The following SGCZ variants were observed in gnomAD, a reference collection of about 807,000 sequenced individuals.
SGCZ encodes sarcoglycan zeta, also known as zeta-sarcoglycan.
In SGCZ, 40 loss-of-function variants were observed where a neutral mutation model predicts 41.3. That is an observed-to-expected ratio of 0.97 (90% CI 0.75 to 1.26). The LOEUF (loss-of-function observed/expected upper bound fraction) is 1.26, where lower values mean the gene tolerates loss of function less well. Ranked by LOEUF, SGCZ falls within the 50% of genes most tolerant of loss-of-function variation. SGCZ has a pLI of 0.00. For synonymous variants in SGCZ, 206 were observed against 137.5 expected, an observed-to-expected ratio of 1.50 and a Z score of -3.49; for missense variants, 552 against 369.8, an observed-to-expected ratio of 1.49 and a Z score of -4.04.
rs1801523907 is a variant in SGCZ at position 14,086,398 on chromosome 8, T to C, written c.*4045A>G. 6.6e-6 allele frequency among the ~76,000 whole-genome samples: 1 copy of C among 151,724 alleles called. No individual in the cohort carries two copies. Among genetic ancestry groups the C allele is most frequent in the African/African-American group, 2.4e-5 (1 of 41,422 alleles). ...CAATGAAATAATTTATTAGGAGTTT[T>C]ATTGTATCAAATGCTATTTTTGTAA... On this transcript the variant is annotated 3_prime_UTR_variant, in exon 8 of 8. Transcript: ENST00000382080.
chr8:15,180,058 G>C (rs1800122529), intron 1 of SGCZ, among the ~76,000 whole-genome samples: 1 of 152,276 alleles, frequency 6.6e-6, no homozygotes, highest in South Asian at 2.1e-4. Context: ...AGTGATTACA[G>C]AAGGTTGCTT....
chr8:14,285,872 T>C (rs1037403630), intron 3 of SGCZ, among the ~76,000 whole-genome samples: 2 of 152,164 alleles, frequency 1.3e-5, no homozygotes, highest in African/African-American at 2.4e-5. Context: ...ATGAAATTCC[T>C]ACCATTGCTG....
At chr8:14,576,096 T>C (rs1323971781) in intron 1 of SGCZ, among the ~76,000 whole-genome samples, 1 of 152,152 alleles carries the variant, frequency 6.6e-6, no homozygotes, top group Non-Finnish European at 1.5e-5. Context: ...TCAATGCAAA[T>C]ACTAATGTAT....
Position 14,938,469 on chromosome 8 carries a change from T to C in SGCZ, c.39+299116A>G, listed in dbSNP as rs549957731. Among the ~76,000 whole-genome samples, 211 of 152,308 alleles carry C rather than the reference T, an allele frequency of 1.4e-3. 1 individual carries two copies. Among genetic ancestry groups the C allele is most frequent in the Middle Eastern group, 3.4e-3 (1 of 294 alleles). On this transcript the variant is annotated intron_variant, in intron 1 of 7. Coordinates refer to ENST00000382080, the MANE Select transcript of SGCZ (RefSeq NM_139167.4). ...ACTTCCACTCAATGAATAGTAAATA[T>C]ATTTTGTCTTCCCTATAATTTTCTT...
intron 1 of SGCZ, among the ~76,000 whole-genome samples, chr8:15,172,354 G>T (rs957754784): frequency 4.6e-5 from 7 of 150,734 alleles, no homozygotes; most frequent in Non-Finnish European, 8.9e-5. Flanking sequence ...TAGAGACGGG[G>T]TTTCACCGTG....
chr8:14,655,506 AC>A (rs1300301014), intron 1 of SGCZ, among the ~76,000 whole-genome samples: 1 of 152,148 alleles, frequency 6.6e-6, no homozygotes, highest in Non-Finnish European at 1.5e-5. Context: ...GAAAAATTCA[AC>A]TTTGGTTAGA....
intron 3 of SGCZ, among the ~76,000 whole-genome samples, chr8:14,270,108 G>C (rs1800009250): frequency 6.6e-6 from 1 of 152,086 alleles, no homozygotes; most frequent in Non-Finnish European, 1.5e-5. Context: ...GAGGCAAGTG[G>C]AACCCCTGAG....
At chr8:14,401,633 C>T (rs1398543807) in intron 2 of SGCZ, among the ~76,000 whole-genome samples, 2 of 151,628 alleles carry the variant, frequency 1.3e-5, no homozygotes, top group East Asian at 1.9e-4. Context: ...TTGTTTATGG[C>T]TGCATAGTAT....
intron 1 of SGCZ, among the ~76,000 whole-genome samples, chr8:14,695,275 G>C (rs551199366): frequency 6.6e-6 from 1 of 151,916 alleles, no homozygotes; most frequent in Non-Finnish European, 1.5e-5. Flanking sequence ...TTTTCATAGA[G>C]GAAAAACCTA....
At chr8:14,295,768 G>T (rs1243113303) in intron 3 of SGCZ, among the ~76,000 whole-genome samples, 3 of 152,180 alleles carry the variant, frequency 2.0e-5, no homozygotes, top group Non-Finnish European at 1.5e-5. Flanking sequence ...CAAACACAGA[G>T]CAACCAATAG....
intron 4 of SGCZ, among the ~76,000 whole-genome samples, chr8:14,225,804 A>C (rs1455458772): frequency 1.3e-5 from 2 of 152,114 alleles, no homozygotes; most frequent in Non-Finnish European, 2.9e-5. Flanking sequence ...CTTAAGATTG[A>C]AAATGAAATG....
At chr8:14,716,168 T>C (rs1435326040) in intron 1 of SGCZ, among the ~76,000 whole-genome samples, 2 of 151,820 alleles carry the variant, frequency 1.3e-5, no homozygotes, top group Non-Finnish European at 2.9e-5. Context: ...GAGCCGAGTA[T>C]CCAAATTTAG....
At chr8:15,010,405 G>A (rs907404277) in intron 1 of SGCZ, among the ~76,000 whole-genome samples, 10 of 152,098 alleles carry the variant, frequency 6.6e-5, no homozygotes, top group Non-Finnish European at 1.5e-4. Context: ...AGTACATTAT[G>A]TTACTATGTT....
At chr8:14,420,966 G>A (rs1437385578) in intron 2 of SGCZ, among the ~76,000 whole-genome samples, 1 of 152,114 alleles carries the variant, frequency 6.6e-6, no homozygotes. Context: ...TGTCTTTAGA[G>A]AGGGATCACA....
chr8:14,221,657 C>T (rs140595016), intron 4 of SGCZ, among the ~76,000 whole-genome samples: 14 of 152,214 alleles, frequency 9.2e-5, no homozygotes, highest in African/African-American at 2.9e-4. Flanking sequence ...GAAGTGGGGT[C>T]GGGTGTGGTG....
At chr8:14,270,848 C>G (rs968162973) in intron 3 of SGCZ, among the ~76,000 whole-genome samples, 3 of 152,080 alleles carry the variant, frequency 2.0e-5, no homozygotes, top group Non-Finnish European at 4.4e-5. Context: ...CACATATACA[C>G]CATGGAATAC....
intron 1 of SGCZ, among the ~76,000 whole-genome samples, chr8:14,988,904 G>GT (rs1394218488): frequency 1.3e-5 from 2 of 152,158 alleles, no homozygotes; most frequent in Non-Finnish European, 2.9e-5. Context: ...AATAACATTT[G>GT]TGGGGAGGGG....
chr8:15,197,125 A>AC (rs1162480384), intron 1 of SGCZ, among the ~76,000 whole-genome samples: 4 of 152,130 alleles, frequency 2.6e-5, no homozygotes, highest in Non-Finnish European at 5.9e-5. Flanking sequence ...AATGGACTTA[A>AC]CCCCTTTGTG....
intron 3 of SGCZ, among the ~76,000 whole-genome samples, chr8:14,260,277 GC>G (rs1323927622): frequency 7.2e-5 from 11 of 151,800 alleles, no homozygotes; most frequent in Non-Finnish European, 1.5e-4. Context: ...CCATCAAAAA[GC>G]GGGCGAAGGA....
Sources: gnomAD v4.1 joint callset for allele counts (sites outside exome capture counted in the v4.1 genomes callset) on GRCh38, gnomAD v4.1.1 for gene constraint, MANE v1.5 for transcripts, NCBI Gene and HGNC (gene_info 2026-07-23, HGNC 2026-07-21) for gene names.